Variants in PTPRD observed in about 807,000 individuals in gnomAD.
The protein encoded by PTPRD is protein tyrosine phosphatase receptor type D.
PTPRD carries 34 observed loss-of-function variants against 214.5 expected under a neutral mutation model. The observed-to-expected ratio is 0.16, with a 90% CI of 0.12 to 0.21. PTPRD has a LOEUF of 0.21. PTPRD is among the 10% of genes least tolerant of loss of function. The pLI is 1.00. For missense variants in PTPRD, 2,545 were observed against 2,398.7 expected (o/e 1.06, Z -1.27); for synonymous variants, 1,128 against 845.7 (o/e 1.33, Z -5.79).
At chr9:8,695,670 T>C (rs966240396) in intron 12 of PTPRD, among the ~76,000 whole-genome samples, 3 of 152,196 alleles carry the variant, frequency 2.0e-5, no homozygotes, top group African/African-American at 4.8e-5. Context: ...AAAGCTACTA[T>C]AGCTGAACTT....
intron 11 of PTPRD, among the ~76,000 whole-genome samples, chr9:8,930,077 A>T (rs2098941136): frequency 6.6e-6 from 1 of 151,770 alleles, no homozygotes; most frequent in South Asian, 2.1e-4. Flanking sequence ...CGTCATTTAC[A>T]TTAGGTATAT....
intron 3 of PTPRD, among the ~76,000 whole-genome samples, chr9:10,200,381 G>C (rs982019627): frequency 1.3e-5 from 2 of 152,196 alleles, no homozygotes; most frequent in Non-Finnish European, 2.9e-5. Context: ...CAACTATGGA[G>C]GAGAGAAGGA....
At chr9:9,892,592 A>T (rs920133963) in intron 5 of PTPRD, among the ~76,000 whole-genome samples, 40 of 152,150 alleles carry the variant, frequency 2.6e-4, no homozygotes, top group Non-Finnish European at 5.7e-4. Context: ...ATGAAAAAGC[A>T]TTGGAACATT....
At chr9:10,374,705 T>A (rs6474539) in intron 2 of PTPRD, among the ~76,000 whole-genome samples, 3 of 151,816 alleles carry the variant, frequency 2.0e-5, no homozygotes, top group Admixed American at 6.6e-5. Flanking sequence ...AGCTCCATGT[T>A]CTCTATGATT....
chr9:9,564,825 A>G (rs1232267600), intron 8 of PTPRD, among the ~76,000 whole-genome samples: 6 of 143,684 alleles, frequency 4.2e-5, no homozygotes, highest in African/African-American at 1.5e-4. Flanking sequence ...ACTTCTGAAG[A>G]TATTTCTTGT....
At chr9:10,594,979 T>A (rs2076289287) in intron 2 of PTPRD, among the ~76,000 whole-genome samples, 1 of 151,262 alleles carries the variant, frequency 6.6e-6, no homozygotes, top group Non-Finnish European at 1.5e-5. Context: ...TTCGGAGACA[T>A]TTTCCCCCCA....
Position 9,707,553 on chromosome 9 carries a change from T to A in PTPRD, c.-287+26980A>T, listed in dbSNP as rs563123789. 2.0e-5 allele frequency among the ~76,000 whole-genome samples: 3 copies of A among 152,260 alleles called. No individual in the cohort carries two copies. The East Asian group carries it at 5.8e-4, about 29-fold the overall frequency. On this transcript the variant is annotated intron_variant, in intron 7 of 45. Coordinates refer to ENST00000381196, the MANE Select transcript of PTPRD (RefSeq NM_002839.4). ...ACTGGAATAACAGCGTGATTATTGT[T>A]TAATTTTACATTATCTAGGATACCA...
Position 9,739,630 on chromosome 9 carries a change from A to T in PTPRD, c.-325-5059T>A, listed in dbSNP as rs184289746. Among the ~76,000 whole-genome samples the T allele has an allele frequency of 1.9e-3, 283 of 150,258 alleles. 4 individuals carry two copies. The highest frequency in any genetic ancestry group is 0.013 in the East Asian group (66 of 5,140). On this transcript the variant is annotated intron_variant, in intron 6 of 45. Coordinates refer to ENST00000381196, the MANE Select transcript of PTPRD (RefSeq NM_002839.4). ...ACTGTCACTTTCATCAGTTTATTTA[A>T]AAAAAAAAGCCAGTTGTGGTTTTGT... is the stretch of plus-strand genomic sequence containing the variant.
At chr9:10,302,138 A>C (rs2095879525) in intron 3 of PTPRD, among the ~76,000 whole-genome samples, 1 of 152,120 alleles carries the variant, frequency 6.6e-6, no homozygotes, top group Non-Finnish European at 1.5e-5. Context: ...AAGAATTTTC[A>C]ACCCAGAATT....
At chr9:9,944,365 T>G (rs1038743169) in intron 4 of PTPRD, among the ~76,000 whole-genome samples, 2 of 152,098 alleles carry the variant, frequency 1.3e-5, no homozygotes, top group African/African-American at 2.4e-5. Context: ...AAACATTTTT[T>G]GAGTATCTAC....
chr9:9,781,699 C>G (rs577901323), intron 5 of PTPRD, among the ~76,000 whole-genome samples: 66 of 152,148 alleles, frequency 4.3e-4, no homozygotes, highest in African/African-American at 1.6e-3. Context: ...CTCGAAAAGA[C>G]TATTCTCTCT....
intron 44 of PTPRD, among the ~76,000 whole-genome samples, chr9:8,328,015 T>C (rs1249342544): frequency 6.6e-6 from 1 of 152,228 alleles, no homozygotes; most frequent in Non-Finnish European, 1.5e-5. Flanking sequence ...TTAGCCTATT[T>C]ACATTTAAGG....
chr9:9,737,770 A>G (rs1254571106), intron 6 of PTPRD, among the ~76,000 whole-genome samples: 1 of 152,086 alleles, frequency 6.6e-6, no homozygotes, highest in African/African-American at 2.4e-5. Flanking sequence ...TTTTTTTGCT[A>G]TTATGAATAA....
intron 3 of PTPRD, among the ~76,000 whole-genome samples, chr9:10,240,944 A>C (rs1457276199): frequency 6.6e-6 from 1 of 151,828 alleles, no homozygotes; most frequent in African/African-American, 2.4e-5. Flanking sequence ...AATTAGGAGA[A>C]GGCATTTGTA....
intron 8 of PTPRD, among the ~76,000 whole-genome samples, chr9:9,444,689 G>A (rs1476641606): frequency 6.6e-6 from 1 of 152,108 alleles, no homozygotes; most frequent in African/African-American, 2.4e-5. Flanking sequence ...GTAATAAAAA[G>A]AACAACCTTT....
rs2099057854 is a variant in PTPRD, at chr9:10,151,111, A to T, written c.-544-117321T>A. 1.5e-5 allele frequency among the ~76,000 whole-genome samples: 2 copies of T among 136,460 alleles called. 1 individual carries two copies. The highest frequency in any genetic ancestry group is 4.6e-4 in the South Asian group (2 of 4,304). The allele number at this position is 136,460 out of a possible 152,430, so 89.5% of individuals were successfully genotyped here. A position where few individuals can be genotyped will look rare whatever the true frequency, so the allele number is the denominator to read the frequency against. ...GAGTCTTGCTCTGTTACCAGGCTGG[A>T]GTACAGTGGTGCGATCTCGGCTCAC... On this transcript the variant is annotated intron_variant, in intron 3 of 45. Transcript: ENST00000381196.
intron 3 of PTPRD, among the ~76,000 whole-genome samples, chr9:10,075,067 T>C (rs1296295939): frequency 5.3e-5 from 8 of 152,094 alleles, no homozygotes; most frequent in Non-Finnish European, 8.8e-5. Context: ...CATGGAGTAA[T>C]AAGTTATTGA....
intron 2 of PTPRD, among the ~76,000 whole-genome samples, chr9:10,595,502 A>G (rs1432516588): frequency 6.6e-6 from 1 of 151,774 alleles, no homozygotes; most frequent in African/African-American, 2.4e-5. Flanking sequence ...TTGGTACACC[A>G]AATAGGCTAA....
intron 35 of PTPRD, among the ~76,000 whole-genome samples, chr9:8,407,373 G>C (rs2093092586): frequency 6.6e-6 from 1 of 152,136 alleles, no homozygotes; most frequent in African/African-American, 2.4e-5. Flanking sequence ...TTCTTACTGA[G>C]GGCCTACTTC....
Sources: allele counts gnomAD v4.1 joint callset (sites outside exome capture counted in the v4.1 genomes callset), GRCh38; gene constraint gnomAD v4.1.1; transcripts MANE v1.5; gene names NCBI Gene and HGNC (gene_info 2026-07-23, HGNC 2026-07-21).